The following TENM2 variants were observed in gnomAD, a reference collection of about 807,000 sequenced individuals.
TENM2 encodes teneurin transmembrane protein 2, also known as teneurin-2.
Under a neutral mutation model 245.2 loss-of-function variants are expected in TENM2, and 52 were observed. That is an observed-to-expected ratio of 0.21 (90% confidence interval 0.17 to 0.27). TENM2 has a LOEUF of 0.27. Ranked by LOEUF, TENM2 falls within the 10% of genes least tolerant of loss-of-function variation. The probability of loss-of-function intolerance (pLI) is 1.00; values close to 1 mark genes in which losing one functional copy is unlikely to be tolerated. For synonymous variants in TENM2, 1,363 were observed against 1,438.9 expected (o/e 0.95, Z 1.19); for missense variants, 3,046 against 3,666.8 (o/e 0.83, Z 4.37).
chr5:168,179,059 C>T (rs929308737), intron 13 of TENM2, among the ~76,000 whole-genome samples: 1 of 150,302 alleles, frequency 6.7e-6, no homozygotes, highest in Admixed American at 6.7e-5. Context: ...CACTTGAACC[C>T]AGGAGGCAGA....
intron 2 of TENM2, among the ~76,000 whole-genome samples, chr5:167,516,881 C>T (rs1770416394): frequency 6.6e-6 from 1 of 152,314 alleles, no homozygotes; most frequent in Non-Finnish European, 1.5e-5. Context: ...CAGCTCAAAA[C>T]ACTGTGGTAT....
intron 2 of TENM2, among the ~76,000 whole-genome samples, chr5:167,512,917 C>T (rs1770065579): frequency 6.6e-6 from 1 of 152,094 alleles, no homozygotes; most frequent in Non-Finnish European, 1.5e-5. Flanking sequence ...TCGCAGAGTA[C>T]TTCTAGTTGT....
At chr5:167,444,585 AC>A (rs1765057661) in intron 2 of TENM2, among the ~76,000 whole-genome samples, 1 of 152,202 alleles carries the variant, frequency 6.6e-6, no homozygotes, top group South Asian at 2.1e-4. Context: ...GAAGTAGGTT[AC>A]TGATCCTACA....
chr5:167,139,941 A>G, the TENM2 span, among the ~76,000 whole-genome samples: 1 of 152,090 alleles, frequency 6.6e-6, no homozygotes, highest in Non-Finnish European at 1.5e-5. Flanking sequence ...TTTGACATAT[A>G]TTTTTATATT....
intron 2 of TENM2, among the ~76,000 whole-genome samples, chr5:167,607,622 C>T (rs772042383): frequency 7.9e-5 from 12 of 152,202 alleles, no homozygotes; most frequent in Non-Finnish European, 1.5e-4. Flanking sequence ...AATACATTGC[C>T]GTGCTGGCAC....
chr5:167,791,025 A>G (rs1035715237), intron 2 of TENM2, among the ~76,000 whole-genome samples: 2 of 152,146 alleles, frequency 1.3e-5, no homozygotes, highest in African/African-American at 2.4e-5. Context: ...ATGGCCATGC[A>G]TGTCTCTGCC....
At chr5:168,164,741 C>A (rs1261080729) in intron 13 of TENM2, among the ~76,000 whole-genome samples, 1 of 152,162 alleles carries the variant, frequency 6.6e-6, no homozygotes, top group African/African-American at 2.4e-5. Flanking sequence ...ATGTTATCCA[C>A]CCCCATCAAA....
chr5:168,003,462 T>C (rs1027723407), intron 5 of TENM2, among the ~76,000 whole-genome samples: 3 of 151,970 alleles, frequency 2.0e-5, no homozygotes, highest in Non-Finnish European at 4.4e-5. Context: ...ATGCTGAGAA[T>C]AGAGTAATTA....
the TENM2 span, among the ~76,000 whole-genome samples, chr5:167,027,185 G>A: frequency 1.3e-5 from 2 of 152,216 alleles, no homozygotes; most frequent in East Asian, 1.9e-4. Context: ...AGGATGGGTT[G>A]GGGGATATTT....
At chr5:167,041,551 C>T in the TENM2 span, among the ~76,000 whole-genome samples, 1 of 152,110 alleles carries the variant, frequency 6.6e-6, no homozygotes, top group Non-Finnish European at 1.5e-5. Flanking sequence ...AAAGCAGAAA[C>T]ATCAAAATGT....
intron 2 of TENM2, among the ~76,000 whole-genome samples, chr5:167,597,155 C>A (rs1017619378): frequency 1.8e-5 from 2 of 108,310 alleles, no homozygotes; most frequent in Non-Finnish European, 3.7e-5. Context: ...CTTTTCTTTT[C>A]TTTTCTTTTC....
the TENM2 span, among the ~76,000 whole-genome samples, chr5:167,060,243 G>GT: frequency 6.6e-6 from 1 of 152,084 alleles, no homozygotes; most frequent in African/African-American, 2.4e-5. Flanking sequence ...GCCTTGTAAA[G>GT]TGTATCAACC....
chr5:168,083,124 T>C (rs1192960567), intron 7 of TENM2, among the ~76,000 whole-genome samples: 1 of 152,166 alleles, frequency 6.6e-6, no homozygotes, highest in Admixed American at 6.5e-5. Flanking sequence ...CCGGCCACTT[T>C]GTTTACCTGC....
intron 26 of TENM2, 40 bp from the exon 29 acceptor site, chr5:168,246,717 A>C (rs749146879): frequency 6.3e-7 from 1 of 1,583,178 alleles, no homozygotes; most frequent in Non-Finnish European, 8.6e-7. Context: ...TGGTCCTCAA[A>C]AGCCAACTGA....
At chr5:167,427,631 CGGAAAGGAAGGGAAGGAAGGGACGGGA>C in intron 2 of TENM2, among the ~76,000 whole-genome samples, 1 of 40,608 alleles carries the variant, frequency 2.5e-5, no homozygotes, top group African/African-American at 1.7e-4. Context: ...GAAGAAAGGA[CGGAAAGGAAGGGAAGGAAGGGACGGGA>C]GGGAAGGAAG....
intron 2 of TENM2, among the ~76,000 whole-genome samples, chr5:167,575,505 CG>C (rs1273623307): frequency 6.6e-6 from 1 of 152,126 alleles, no homozygotes; most frequent in Non-Finnish European, 1.5e-5. Flanking sequence ...GCATGTCTCG[CG>C]TTTGCCAGAC....
rs138712989 is a variant in TENM2 at position 168,162,486 on chromosome 5, G to A, written c.2423-125G>A. 605 of 968,688 alleles carry A rather than the reference G, an allele frequency of 6.2e-4. 6 individuals carry two copies. The African/African-American group carries it at 7.3e-3, about 12-fold the overall frequency. The allele number at this position is 968,688 out of a possible 1,614,324, so 60.0% of individuals were successfully genotyped here. A position where few individuals can be genotyped will look rare whatever the true frequency, so the allele number is the denominator to read the frequency against. On this transcript the variant is annotated intron_variant, in intron 12 of 28. Transcript: ENST00000518659. ...TCCCCTGACTCTGTGGAAGGCAGGCGCGGGCCCCACTGTGAGGCTGGCCCA... is the reference window on the plus strand; with the variant it reads ...TCCCCTGACTCTGTGGAAGGCAGGCACGGGCCCCACTGTGAGGCTGGCCCA...
At chr5:167,664,239 T>G (rs1005280254) in intron 2 of TENM2, among the ~76,000 whole-genome samples, 3 of 152,204 alleles carry the variant, frequency 2.0e-5, no homozygotes, top group Admixed American at 6.5e-5. Flanking sequence ...TTATGTAAAT[T>G]TCAAAGCCCC....
chr5:168,220,651 T>C (rs1223572511), intron 23 of TENM2, among the ~76,000 whole-genome samples: 1 of 152,198 alleles, frequency 6.6e-6, no homozygotes, highest in African/African-American at 2.4e-5. Flanking sequence ...TATGGCACTT[T>C]TGGCACATGA....
Sources: gnomAD v4.1 joint callset for allele counts (sites outside exome capture counted in the v4.1 genomes callset) on GRCh38, gnomAD v4.1.1 for gene constraint, MANE v1.5 for transcripts, NCBI Gene and HGNC (gene_info 2026-07-23, HGNC 2026-07-21) for gene names.